The following SEZ6L variants were observed in gnomAD, a reference collection of about 807,000 sequenced individuals.
SEZ6L encodes the protein seizure 6-like protein.
SEZ6L carries 37 observed loss-of-function variants against 106.2 expected under a neutral mutation model. The observed-to-expected ratio is 0.35, with a 90% CI of 0.27 to 0.46. The LOEUF (loss-of-function observed/expected upper bound fraction) is 0.46, where lower values mean the gene tolerates loss of function less well. Among genes scored for constraint, SEZ6L ranks in the 20% least tolerant of loss-of-function variants. The pLI, the probability that SEZ6L is intolerant of heterozygous loss-of-function variation, is 1.00. For synonymous variants in SEZ6L, 541 were observed against 570.4 expected, an observed-to-expected ratio of 0.95 and a Z score of 0.73; for missense variants, 1,172 against 1,332.8, an observed-to-expected ratio of 0.88 and a Z score of 1.88.
At chr22:26,351,492 G>T in intron 12 of SEZ6L, 1 of 466,954 alleles carries the variant, frequency 2.1e-6, no homozygotes, top group African/African-American at 2.0e-5. Flanking sequence ...AGTAGCCCTG[G>T]GAGCATAGTA....
chr22:26,269,974 G>A (rs2080310779), intron 1 of SEZ6L, among the ~76,000 whole-genome samples: 1 of 152,202 alleles, frequency 6.6e-6, no homozygotes, highest in Non-Finnish European at 1.5e-5. Context: ...GACAGTATCA[G>A]GGAAAAGACC....
chr22:26,176,075 A>G (rs943647261), intron 1 of SEZ6L, among the ~76,000 whole-genome samples: 1 of 152,036 alleles, frequency 6.6e-6, no homozygotes, highest in African/African-American at 2.4e-5. Flanking sequence ...ACTCTGTGCC[A>G]GGGGGCTGTC....
At chr22:26,304,369 GAAGA>G (rs35971247) in intron 5 of SEZ6L, among the ~76,000 whole-genome samples, 16,491 of 97,924 alleles carry the variant, frequency 0.17, 1,333 homozygotes, top group East Asian at 0.22. Context: ...AAAAAAGAAA[GAAGA>G]AAGAAAGAAA....
chr22:26,199,275 A>G (rs895446525), intron 1 of SEZ6L, among the ~76,000 whole-genome samples: 1 of 152,198 alleles, frequency 6.6e-6, no homozygotes, highest in African/African-American at 2.4e-5. Flanking sequence ...CAAAGAACCC[A>G]GGGCCTGTTG....
chr22:26,208,468 T>C (rs1224031346), intron 1 of SEZ6L, among the ~76,000 whole-genome samples: 1 of 152,222 alleles, frequency 6.6e-6, no homozygotes. Flanking sequence ...TAGAAATCTA[T>C]TTTGAAAAAT....
chr22:26,232,346 T>TCACACACACACACA (rs10654892), intron 1 of SEZ6L, among the ~76,000 whole-genome samples: 11 of 133,172 alleles, frequency 8.3e-5, no homozygotes, highest in Non-Finnish European at 1.3e-4. Flanking sequence ...TCTCTGTCTT[T>TCACACACACACACA]CACACACACA....
intron 1 of SEZ6L, among the ~76,000 whole-genome samples, chr22:26,266,362 C>T (rs1358286963): frequency 3.4e-5 from 5 of 144,962 alleles, no homozygotes; most frequent in African/African-American, 5.0e-5. Context: ...AGATCGAGAC[C>T]ATCCTGGCTA....
chr22:26,199,754 C>T (rs1174397645), intron 1 of SEZ6L, among the ~76,000 whole-genome samples: 1 of 152,162 alleles, frequency 6.6e-6, no homozygotes, highest in African/African-American at 2.4e-5. Flanking sequence ...TGGGTAGAGT[C>T]CTCTTTCAGC....
intron 1 of SEZ6L, among the ~76,000 whole-genome samples, chr22:26,251,880 TG>T (rs34871565): frequency 1.3e-5 from 2 of 151,940 alleles, no homozygotes; most frequent in Admixed American, 1.3e-4. Context: ...TGGAAGTAAG[TG>T]GGGGTGTCCT....
At chr22:26,259,225 G>A (rs930094191) in intron 1 of SEZ6L, among the ~76,000 whole-genome samples, 3 of 152,198 alleles carry the variant, frequency 2.0e-5, no homozygotes, top group African/African-American at 7.2e-5. Flanking sequence ...AGGTTGGGGT[G>A]AGAAGGTGAG....
At chr22:26,189,320 G>C (rs934263190) in intron 1 of SEZ6L, among the ~76,000 whole-genome samples, 1 of 152,174 alleles carries the variant, frequency 6.6e-6, no homozygotes, top group African/African-American at 2.4e-5. Context: ...ATTTGCATCT[G>C]AATCAGTCTA....
chr22:26,191,498 T>C (rs545260179), intron 1 of SEZ6L, among the ~76,000 whole-genome samples: 1 of 149,886 alleles, frequency 6.7e-6, no homozygotes, highest in East Asian at 2.0e-4. Context: ...GAAAACCAAA[T>C]ACTGCATGCT....
intron 3 of SEZ6L, among the ~76,000 whole-genome samples, chr22:26,295,904 AG>A (rs1219232854): frequency 6.6e-6 from 1 of 152,192 alleles, no homozygotes; most frequent in Non-Finnish European, 1.5e-5. Flanking sequence ...CAATCAGGGA[AG>A]GTCTCATAGA....
intron 1 of SEZ6L, among the ~76,000 whole-genome samples, chr22:26,282,002 A>C (rs973682088): frequency 6.6e-6 from 1 of 152,196 alleles, no homozygotes; most frequent in Non-Finnish European, 1.5e-5. Flanking sequence ...TTATTGATGT[A>C]TTCTTGATTT....
chr22:26,170,030 C>A lies in SEZ6L; in HGVS notation c.94+267C>A, dbSNP rs192329563. ...GTCTTCCCCGGCTGCGGGGCTGATT[C>A]TCCTTTGCAGCCAAAGAGGTTCTCC... On this transcript the variant is annotated intron_variant, in intron 1 of 16. Coordinates refer to ENST00000248933, the MANE Select transcript of SEZ6L (RefSeq NM_021115.5). Among the ~76,000 whole-genome samples the A allele has an allele frequency of 2.6e-5, 4 of 152,318 alleles. No homozygotes were observed. The East Asian group carries it at 7.7e-4, about 29-fold the overall frequency.
chr22:26,215,138 G>A (rs1399135422), intron 1 of SEZ6L, among the ~76,000 whole-genome samples: 2 of 152,208 alleles, frequency 1.3e-5, no homozygotes, highest in South Asian at 2.1e-4. Flanking sequence ...ACATGTATCA[G>A]TAACTTTGTA....
intron 1 of SEZ6L, among the ~76,000 whole-genome samples, chr22:26,200,184 C>T (rs1213198280): frequency 6.6e-6 from 1 of 152,078 alleles, no homozygotes; most frequent in Non-Finnish European, 1.5e-5. Flanking sequence ...TTTTAACTTC[C>T]CTTCTTTCTT....
chr22:26,335,506 A>G (rs1429579253), intron 9 of SEZ6L, among the ~76,000 whole-genome samples: 2 of 152,104 alleles, frequency 1.3e-5, no homozygotes, highest in Non-Finnish European at 1.5e-5. Context: ...TATAGAATAT[A>G]TAGAATGCTG....
intron 13 of SEZ6L, among the ~76,000 whole-genome samples, chr22:26,366,764 A>G (rs1161305913): frequency 6.6e-6 from 1 of 152,174 alleles, no homozygotes; most frequent in African/African-American, 2.4e-5. Context: ...GTTCCAGTGT[A>G]TTTAAAACTT....
Sources: allele counts gnomAD v4.1 joint callset (sites outside exome capture counted in the v4.1 genomes callset), GRCh38; gene constraint gnomAD v4.1.1; transcripts MANE v1.5; gene names NCBI Gene and HGNC (gene_info 2026-07-23, HGNC 2026-07-21).